The following NOTCH2NLB variants were observed in gnomAD, a reference collection of about 807,000 sequenced individuals.
NOTCH2NLB encodes the protein notch homolog 2 N-terminal-like protein B.
In NOTCH2NLB, 1 loss-of-function variant was observed where a neutral mutation model predicts 14.8. That is an observed-to-expected ratio of 0.07 (90% CI 0.02 to 0.32). The LOEUF is 0.32. NOTCH2NLB is among the 10% of genes least tolerant of loss of function. The pLI, the probability that NOTCH2NLB is intolerant of heterozygous loss-of-function variation, is 1.00. For missense variants in NOTCH2NLB, 11 were observed against 155.0 expected, an observed-to-expected ratio of 0.07 and a Z score of 4.93; for synonymous variants, 6 against 57.5, an observed-to-expected ratio of 0.10 and a Z score of 4.05.
intron 2 of NOTCH2NLB, among the ~76,000 whole-genome samples, chr1:148,638,020 C>T (rs2149616503): frequency 6.7e-6 from 1 of 148,254 alleles, no homozygotes; most frequent in South Asian, 2.2e-4. Flanking sequence ...GGTTCCAAGT[C>T]TTTCCTACTG....
intron 3 of NOTCH2NLB, among the ~76,000 whole-genome samples, chr1:148,615,038 T>C: frequency 1.1e-5 from 1 of 89,674 alleles, no homozygotes; most frequent in Non-Finnish European, 2.6e-5. Flanking sequence ...GAGGGAGATT[T>C]CTAAAAGCAA....
At chr1:148,605,485 T>C (rs1313989708), downstream of NOTCH2NLB, among the ~76,000 whole-genome samples, 1 of 143,456 alleles carries the variant, frequency 7.0e-6, no homozygotes, top group Non-Finnish European at 1.5e-5. Context: ...TGCGTTAAAC[T>C]ACAACCAGAG....
In NOTCH2NLB at chr1:148,626,257, ATAC is replaced by A. The variant is rs1663983109; in HGVS notation, c.78-10310_78-10308del. 5.5e-5 allele frequency among the ~76,000 whole-genome samples: 6 copies of A among 109,424 alleles called. No individual in the cohort carries two copies. The East Asian group carries it at 2.5e-3, about 45-fold the overall frequency. 71.8% of individuals were successfully genotyped at this position (109,424 alleles called of 152,430 possible). On this transcript the variant is annotated intron_variant, in intron 2 of 4. Coordinates refer to ENST00000593495, the Ensembl canonical transcript of NOTCH2NLB. ...GGAAAAAAAGAGAAGAAGCTCTGTC[ATAC>A]TACTTCTTGCCATTCCCACTCTACT... is the stretch of plus-strand genomic sequence containing the variant.
chr1:148,688,066 AAAATT>A, the NOTCH2NLB span, among the ~76,000 whole-genome samples: 8 of 132,844 alleles, frequency 6.0e-5, no homozygotes, highest in Admixed American at 5.3e-4. Flanking sequence ...AGAAAAAACA[AAAATT>A]AAAACAAACA....
At chr1:148,685,099 A>G in the NOTCH2NLB span, among the ~76,000 whole-genome samples, 2 of 62,888 alleles carry the variant, frequency 3.2e-5, no homozygotes, top group Non-Finnish European at 6.4e-5. Context: ...CTTTTTGTAT[A>G]TAATGATGTA....
At chr1:148,670,151 C>A (rs1265173310) in intron 1 of NOTCH2NLB, among the ~76,000 whole-genome samples, 1 of 91,350 alleles carries the variant, frequency 1.1e-5, no homozygotes, top group Admixed American at 1.0e-4. Context: ...AAAAAATTAA[C>A]CTATGAAATG....
chr1:148,610,323 G>GAGAAAGAAAGAAAGAAAGAAAGAAAGAA (rs1294416962), intron 3 of NOTCH2NLB, among the ~76,000 whole-genome samples: 1 of 45,564 alleles, frequency 2.2e-5, no homozygotes, highest in Non-Finnish European at 4.1e-5. Context: ...GAGAAAGAGA[G>GAGAAAGAAAGAAAGAAAGAAAGAAAGAA]AGAAAGAAAG....
chr1:148,638,294 C>A (rs1357566757), intron 2 of NOTCH2NLB, among the ~76,000 whole-genome samples: 1 of 149,202 alleles, frequency 6.7e-6, no homozygotes. Flanking sequence ...AATAACTACA[C>A]CAGGCACTGT....
At chr1:148,670,539 A>AAATATATATATACACATATATAT (rs1445301786) in intron 1 of NOTCH2NLB, among the ~76,000 whole-genome samples, 3 of 93,474 alleles carry the variant, frequency 3.2e-5, no homozygotes, top group African/African-American at 1.3e-4. Flanking sequence ...TAAAAAAAAA[A>AAATATATATATACACATATATAT]ATATATATAT....
chr1:148,600,485 GTAGGTAAAGGATC>G, the NOTCH2NLB span, among the ~76,000 whole-genome samples: 1 of 126,042 alleles, frequency 7.9e-6, no homozygotes, highest in East Asian at 2.3e-4. Context: ...CAATTATAAA[GTAGGTAAAGGATC>G]TGAACAGACA....
At chr1:148,627,726 T>C (rs1664016208) in intron 2 of NOTCH2NLB, among the ~76,000 whole-genome samples, 1 of 151,432 alleles carries the variant, frequency 6.6e-6, no homozygotes, top group African/African-American at 2.4e-5. Flanking sequence ...ACACCCCCTC[T>C]GTTCTTATAA....
chr1:148,670,332 A>G (rs1664731011), intron 1 of NOTCH2NLB, among the ~76,000 whole-genome samples: 1 of 141,960 alleles, frequency 7.0e-6, no homozygotes. Context: ...AATTTACCAA[A>G]AGAAGTAGAA....
chr1:148,651,206 A>G (rs1418438942), intron 1 of NOTCH2NLB, among the ~76,000 whole-genome samples: 2,724 of 96,282 alleles, frequency 0.028, 4 homozygotes, highest in East Asian at 0.074. Flanking sequence ...CCTGAACTTC[A>G]ATTTTTATTT....
the NOTCH2NLB span, among the ~76,000 whole-genome samples, chr1:148,703,004 C>G: frequency 6.9e-5 from 2 of 28,884 alleles, no homozygotes; most frequent in African/African-American, 1.1e-4. Context: ...CCAGCTACTC[C>G]GGAGGCTGAG....
intron 2 of NOTCH2NLB, among the ~76,000 whole-genome samples, chr1:148,620,628 T>TC (rs1351746426): frequency 4.2e-5 from 3 of 71,376 alleles, no homozygotes; most frequent in African/African-American, 1.6e-4. Flanking sequence ...TGCTGGCTTT[T>TC]CCCCCATTTC....
intron 1 of NOTCH2NLB, among the ~76,000 whole-genome samples, chr1:148,651,162 A>AATATATATATATATATAT (rs1218372509): frequency 2.4e-4 from 11 of 46,008 alleles, no homozygotes; most frequent in South Asian, 7.7e-4. Flanking sequence ...AAAAAAAAAA[A>AATATATATATATATATAT]ATATATATAT....
chr1:148,610,315 G>A (rs1316111212), intron 3 of NOTCH2NLB, among the ~76,000 whole-genome samples: 1 of 76,958 alleles, frequency 1.3e-5, no homozygotes, highest in Non-Finnish European at 2.5e-5. Context: ...GAGAAAGAGA[G>A]AAAGAGAGAG....
chr1:148,610,321 G>GAGAA (rs1663646990), intron 3 of NOTCH2NLB, among the ~76,000 whole-genome samples: 4 of 70,456 alleles, frequency 5.7e-5, no homozygotes, highest in East Asian at 7.5e-4. Flanking sequence ...GAGAGAAAGA[G>GAGAA]AGAGAAAGAA....
chr1:148,670,539 A>AAATATATATATACATATATATAT (rs1445301786), intron 1 of NOTCH2NLB, among the ~76,000 whole-genome samples: 31 of 93,368 alleles, frequency 3.3e-4, no homozygotes, highest in African/African-American at 1.3e-3. Context: ...TAAAAAAAAA[A>AAATATATATATACATATATATAT]ATATATATAT....
Sources: gnomAD v4.1 joint callset for allele counts (sites outside exome capture counted in the v4.1 genomes callset) on GRCh38, gnomAD v4.1.1 for gene constraint, MANE v1.5 for transcripts, NCBI Gene and HGNC (gene_info 2026-07-23, HGNC 2026-07-21) for gene names.